Variants in USO1 observed in about 807,000 individuals in gnomAD.
USO1 encodes USO1 vesicle transport factor, also known as general vesicular transport factor p115.
A neutral mutation model predicts 124.5 loss-of-function variants in USO1; 57 were observed. That is an observed-to-expected ratio of 0.46 (90% CI 0.37 to 0.57). The LOEUF (loss-of-function observed/expected upper bound fraction) is 0.57, where lower values mean the gene tolerates loss of function less well. Among genes scored for constraint, USO1 ranks in the 20% least tolerant of loss-of-function variants. The pLI is 0.00. For missense variants in USO1, 900 were observed against 1,040.6 expected (o/e 0.86, Z 1.86); for synonymous variants, 369 against 362.8 (o/e 1.02, Z -0.19).
rs760093630 is a variant in USO1, at chr4:75,793,680, A to G, written c.1241-10A>G. 2.5e-6 allele frequency: 4 copies of G among 1,597,170 alleles called. No individual in the cohort carries two copies. The highest frequency in any genetic ancestry group is 1.3e-5 in the African/African-American group (1 of 74,780). On this transcript the variant is annotated splice_polypyrimidine_tract_variant and intron_variant, in intron 12 of 23. Coordinates refer to ENST00000514213, the MANE Select transcript of USO1 (RefSeq NM_003715.4). The stretch of plus-strand genomic sequence containing the variant: ...AATATATTTTTATTGTCTGCCTGCC[A>G]TCTTTGTAGCAACAGGTAATTCAGT...
intron 8 of USO1, among the ~76,000 whole-genome samples, chr4:75,780,264 A>G (rs1438567878): frequency 6.6e-6 from 1 of 152,028 alleles, no homozygotes; most frequent in Non-Finnish European, 1.5e-5. Flanking sequence ...AAAAGAGAAT[A>G]ATACTGTTTT....
Position 75,747,602 on chromosome 4 carries a change from C to CTTT in USO1, c.67-4748_67-4746dup, listed in dbSNP as rs59636038. On this transcript the variant is annotated intron_variant, in intron 1 of 23. Transcript: ENST00000514213. ...AAGTTGTTCTTATATTCACCTTTGA[C>CTTT]TTTTTTTTTTTTTTTTTTTTTTTTT... 2.2e-3 allele frequency among the ~76,000 whole-genome samples: 182 copies of CTTT among 83,684 alleles called. 1 individual carries two copies. Among genetic ancestry groups the CTTT allele is most frequent in the East Asian group, 4.1e-3 (13 of 3,150 alleles). 54.9% of individuals were successfully genotyped at this position (83,684 alleles called of 152,430 possible). A position where few individuals can be genotyped will look rare whatever the true frequency, so the allele number is the denominator to read the frequency against.
At chr4:75,758,813 T>C (rs1196124319) in intron 4 of USO1, among the ~76,000 whole-genome samples, 1 of 152,176 alleles carries the variant, frequency 6.6e-6, no homozygotes, top group Non-Finnish European at 1.5e-5. Context: ...TTAGTAAATG[T>C]AATTTGGTAC....
In USO1 at chr4:75,724,672, G is replaced by T; in HGVS notation, c.-148G>T. On this transcript the variant is annotated 5_prime_UTR_variant, in exon 1 of 24. Transcript: ENST00000514213. ...TGGCGGCTGTTTCCGGGCTTAGAGG[G>T]CTGGAGTGGCCGCCGAGTTGGAGGC... 2.7e-6 allele frequency: 2 copies of T among 733,916 alleles called. No individual in the cohort carries two copies. Among genetic ancestry groups the T allele is most frequent in the South Asian group, 1.8e-5 (1 of 55,114 alleles). 45.5% of individuals were successfully genotyped at this position (733,916 alleles called of 1,614,324 possible). A position where few individuals can be genotyped will look rare whatever the true frequency, so the allele number is the denominator to read the frequency against.
chr4:75,750,576 C>T (rs1034678180), intron 1 of USO1, among the ~76,000 whole-genome samples: 272 of 152,130 alleles, frequency 1.8e-3, no homozygotes, highest in Middle Eastern at 0.01. Flanking sequence ...CTCTGCCTCC[C>T]GGGTTCAAGC....
intron 17 of USO1, among the ~76,000 whole-genome samples, chr4:75,802,736 CTTTTTTTTTT>C (rs997798305): frequency 1.6e-5 from 1 of 63,740 alleles, no homozygotes; most frequent in African/African-American, 6.6e-5. Flanking sequence ...TTTTTCTTTT[CTTTTTTTTTT>C]TTTTTTTTTT....
At chr4:75,761,926 A>G (rs1015923966) in intron 4 of USO1, among the ~76,000 whole-genome samples, 15 of 152,176 alleles carry the variant, frequency 9.9e-5, no homozygotes, top group African/African-American at 3.6e-4. Flanking sequence ...ATACCAGAGC[A>G]TTGTGCCTTG....
intron 20 of USO1, among the ~76,000 whole-genome samples, chr4:75,807,116 A>T (rs1723019949): frequency 6.6e-6 from 1 of 152,182 alleles, no homozygotes; most frequent in Non-Finnish European, 1.5e-5. Context: ...TAGTATTTAT[A>T]AATTCCTGTT....
rs1722678999 is a variant in USO1, at chr4:75,796,341, C to CTTTTTTTCTTTTTTTT, written c.1452+2447_1452+2448insCTTTTTTTTTTTTTTT. On this transcript the variant is annotated intron_variant, in intron 13 of 23. Coordinates refer to ENST00000514213, the MANE Select transcript of USO1 (RefSeq NM_003715.4). ...TAATCCCAGAAAGTTCCATCATGCT[C>CTTTTTTTCTTTTTTTT]TTTTTTTTTTTTGAGACGGAGTCTC... is the stretch of plus-strand genomic sequence containing the variant. Among the ~76,000 whole-genome samples the CTTTTTTTCTTTTTTTT allele has an allele frequency of 2.0e-5, 2 of 102,064 alleles. 1 individual carries two copies. Among genetic ancestry groups the CTTTTTTTCTTTTTTTT allele is most frequent in the Non-Finnish European group, 4.2e-5 (2 of 48,034 alleles). The allele number at this position is 102,064 out of a possible 152,430, so 67.0% of individuals were successfully genotyped here.
At chr4:75,798,290 A>T (rs1437273903) in intron 13 of USO1, among the ~76,000 whole-genome samples, 5 of 152,106 alleles carry the variant, frequency 3.3e-5, no homozygotes, top group African/African-American at 1.2e-4. Flanking sequence ...TTATATATAC[A>T]TTGTGGGTAT....
At chr4:75,762,717 A>C (rs1354890323) in intron 4 of USO1, among the ~76,000 whole-genome samples, 1 of 152,002 alleles carries the variant, frequency 6.6e-6, no homozygotes. Context: ...TCACAAGGTC[A>C]GGAGATCAAG....
intron 3 of USO1, among the ~76,000 whole-genome samples, chr4:75,756,159 G>A (rs1460892531): frequency 1.6e-5 from 2 of 124,510 alleles, no homozygotes; most frequent in Non-Finnish European, 3.4e-5. Context: ...GACAGAACAA[G>A]ACTCCGTCTC....
intron 7 of USO1, among the ~76,000 whole-genome samples, chr4:75,771,920 A>C (rs1380168446): frequency 6.6e-6 from 1 of 152,230 alleles, no homozygotes; most frequent in African/African-American, 2.4e-5. Flanking sequence ...AAGCTAATTA[A>C]ATCTCCATAT....
At chr4:75,773,884 A>C (rs535782654) in intron 7 of USO1, among the ~76,000 whole-genome samples, 1 of 148,206 alleles carries the variant, frequency 6.7e-6, no homozygotes, top group Non-Finnish European at 1.5e-5. Flanking sequence ...CCTATTTGCT[A>C]TTCCTCTTCC....
At chr4:75,772,361 C>T (rs550059256) in intron 7 of USO1, among the ~76,000 whole-genome samples, 1 of 151,946 alleles carries the variant, frequency 6.6e-6, no homozygotes, top group South Asian at 2.1e-4. Context: ...CTCAGCCTCT[C>T]GAGTAGCTGG....
At chr4:75,755,410 C>A (rs1721411883) in intron 3 of USO1, 2 of 516,720 alleles carry the variant, frequency 3.9e-6, no homozygotes, top group African/African-American at 3.9e-5. Flanking sequence ...AAATGCGTAT[C>A]TTCAGTCATT....
chr4:75,747,632 T>C lies in USO1; in HGVS notation c.67-4741T>C, dbSNP rs528004111. On this transcript the variant is annotated intron_variant, in intron 1 of 23. Transcript: ENST00000514213. ...TTTTTTTTTTTTTTTTTTTTTGAGATGGAGTCTCGCTCTGTGGCCCAGGCT... is the reference window on the plus strand; with the variant it reads ...TTTTTTTTTTTTTTTTTTTTTGAGACGGAGTCTCGCTCTGTGGCCCAGGCT... Among the ~76,000 whole-genome samples the C allele has an allele frequency of 6.1e-3, 821 of 133,794 alleles. 9 individuals are homozygous for C. The highest frequency in any genetic ancestry group is 0.024 in the African/African-American group (789 of 33,556). 87.8% of individuals were successfully genotyped at this position (133,794 alleles called of 152,430 possible). A position where few individuals can be genotyped will look rare whatever the true frequency, so the allele number is the denominator to read the frequency against.
At chr4:75,812,126 T>A in intron 22 of USO1, 34 bp from the exon 23 acceptor site, 1 of 1,562,278 alleles carries the variant, frequency 6.4e-7, no homozygotes, top group Admixed American at 2.0e-5. Context: ...GAGTGCTAAT[T>A]TTAGATTCCT....
intron 1 of USO1, among the ~76,000 whole-genome samples, chr4:75,733,911 A>G (rs1720710115): frequency 7.1e-6 from 1 of 141,756 alleles, no homozygotes; most frequent in Non-Finnish European, 1.5e-5. Context: ...GTCCAGGATG[A>G]TATCTCCTAG....
Sources: allele counts gnomAD v4.1 joint callset (sites outside exome capture counted in the v4.1 genomes callset), GRCh38; gene constraint gnomAD v4.1.1; transcripts MANE v1.5; gene names NCBI Gene and HGNC (gene_info 2026-07-23, HGNC 2026-07-21).